Variants in EIF4G3 observed in about 807,000 individuals in gnomAD.
EIF4G3 encodes the protein eIF-4-gamma 3.
A neutral mutation model predicts 186.4 loss-of-function variants in EIF4G3; 34 were observed. That is an observed-to-expected ratio of 0.18 (90% confidence interval 0.14 to 0.24). The LOEUF (loss-of-function observed/expected upper bound fraction) is 0.24. EIF4G3 is among the 10% of genes least tolerant of loss of function. The pLI is 1.00. For synonymous variants in EIF4G3, 673 were observed against 679.5 expected, an observed-to-expected ratio of 0.99 and a Z score of 0.15; for missense variants, 1,536 against 1,948.5, an observed-to-expected ratio of 0.79 and a Z score of 3.99.
intron 2 of EIF4G3, among the ~76,000 whole-genome samples, chr1:21,109,790 A>T (rs1055547505): frequency 6.6e-6 from 1 of 151,892 alleles, no homozygotes; most frequent in Non-Finnish European, 1.5e-5. Flanking sequence ...ACTGTAACAA[A>T]TTTTTTATTT....
At chr1:21,113,919 A>C (rs1421358603) in intron 2 of EIF4G3, among the ~76,000 whole-genome samples, 1 of 152,152 alleles carries the variant, frequency 6.6e-6, no homozygotes, top group Non-Finnish European at 1.5e-5. Context: ...GGGAGGTTGA[A>C]GTGGCAAGAA....
chr1:21,015,828 G>C (rs1226118618), intron 4 of EIF4G3, among the ~76,000 whole-genome samples: 1 of 147,944 alleles, frequency 6.8e-6, no homozygotes, highest in African/African-American at 2.5e-5. Flanking sequence ...AATGAGGGAA[G>C]AATTAAGACA....
intron 3 of EIF4G3, among the ~76,000 whole-genome samples, chr1:21,083,852 G>A (rs2095871011): frequency 6.6e-6 from 1 of 151,992 alleles, no homozygotes. Context: ...TTATAACTCA[G>A]GTTTTTTCAA....
Position 20,958,550 on chromosome 1 carries a change from G to T in EIF4G3, c.715-8439C>A, listed in dbSNP as rs1488407233. Among the ~76,000 whole-genome samples the T allele has an allele frequency of 2.0e-5, 3 of 152,058 alleles. No homozygotes were observed. The East Asian group carries it at 5.8e-4, about 29-fold the overall frequency. ...CATAGTTTTGGAAGTCCTAGCTAGA[G>T]CAATTAGGTAAGAGAAAGAAATAAA... On this transcript the variant is annotated intron_variant, in intron 12 of 36. Transcript: ENST00000602326.
At chr1:21,158,851 G>A (rs543599840) in intron 2 of EIF4G3, among the ~76,000 whole-genome samples, 1 of 151,854 alleles carries the variant, frequency 6.6e-6, no homozygotes, top group African/African-American at 2.4e-5. Context: ...TGCTGTTAAC[G>A]AAACTCAAAA....
At chr1:21,112,934 CAA>C (rs2096751468) in intron 2 of EIF4G3, among the ~76,000 whole-genome samples, 1 of 151,944 alleles carries the variant, frequency 6.6e-6, no homozygotes, top group Non-Finnish European at 1.5e-5. Flanking sequence ...TGCCATTTCT[CAA>C]AGATAGCCAA....
At chr1:20,848,673 G>T (rs377582807) in intron 29 of EIF4G3, among the ~76,000 whole-genome samples, 3 of 152,264 alleles carry the variant, frequency 2.0e-5, no homozygotes, top group African/African-American at 7.2e-5. Context: ...GTTTCTTTAT[G>T]CCTCAGTTTT....
chr1:21,038,088 ACT>A (rs2093340632), intron 4 of EIF4G3, among the ~76,000 whole-genome samples: 1 of 152,058 alleles, frequency 6.6e-6, no homozygotes, highest in South Asian at 2.1e-4. Flanking sequence ...CCATTTTTGT[ACT>A]CTTTATAATT....
At chr1:21,083,537 T>A (rs922191977) in intron 3 of EIF4G3, among the ~76,000 whole-genome samples, 5 of 151,630 alleles carry the variant, frequency 3.3e-5, no homozygotes, top group Non-Finnish European at 7.4e-5. Flanking sequence ...TTGCCCAGAC[T>A]GGTTTCAAAC....
chr1:20,972,590 G>A (rs77936651), intron 11 of EIF4G3, among the ~76,000 whole-genome samples: 10,509 of 151,840 alleles, frequency 0.069, 630 homozygotes, highest in East Asian at 0.26. Context: ...AGCTGAGATC[G>A]CGCCACTGCA....
intron 12 of EIF4G3, among the ~76,000 whole-genome samples, chr1:20,955,746 G>A (rs1056312343): frequency 3.3e-5 from 5 of 152,140 alleles, no homozygotes; most frequent in African/African-American, 1.2e-4. Flanking sequence ...ATGGTAGAGA[G>A]GGTATCTATG....
rs547400091 is a variant in EIF4G3, at chr1:20,875,712, G to A, written c.2622+3611C>T. Among the ~76,000 whole-genome samples, 5 of 152,208 alleles carry A rather than the reference G, an allele frequency of 3.3e-5. No individual in the cohort carries two copies. The South Asian group carries it at 8.3e-4, about 25-fold the overall frequency. The stretch of plus-strand genomic sequence containing the variant: ...AGATTGCTTGAGCCCAGGAGTTTAC[G>A]ACCAGTCTGGGCAACATATTGAGAT... On this transcript the variant is annotated intron_variant, in intron 20 of 36. Transcript: ENST00000602326.
chr1:21,096,250 T>C (rs1341387137), intron 2 of EIF4G3, among the ~76,000 whole-genome samples: 1 of 152,190 alleles, frequency 6.6e-6, no homozygotes, highest in African/African-American at 2.4e-5. Flanking sequence ...GCAACATAGA[T>C]GGAACTGGAA....
intron 12 of EIF4G3, among the ~76,000 whole-genome samples, chr1:20,967,996 T>C (rs1276872513): frequency 6.6e-6 from 1 of 152,198 alleles, no homozygotes; most frequent in African/African-American, 2.4e-5. Context: ...TCTTGCTATG[T>C]TGCCCAAGCT....
intron 30 of EIF4G3, among the ~76,000 whole-genome samples, chr1:20,831,633 G>C (rs1345116318): frequency 7.4e-6 from 1 of 135,482 alleles, no homozygotes; most frequent in African/African-American, 2.8e-5. Flanking sequence ...TATACTTTAA[G>C]TTTTAGGGTA....
intron 2 of EIF4G3, among the ~76,000 whole-genome samples, chr1:21,090,201 ACT>A (rs2096139530): frequency 6.6e-6 from 1 of 152,202 alleles, no homozygotes; most frequent in Admixed American, 6.5e-5. Context: ...CTGAATTAAG[ACT>A]CTAAGTAGAA....
chr1:21,049,381 TG>T (rs1298882787), intron 4 of EIF4G3, among the ~76,000 whole-genome samples: 1 of 152,200 alleles, frequency 6.6e-6, no homozygotes, highest in Admixed American at 6.5e-5. Flanking sequence ...TTTTCTCTCC[TG>T]ATTAGACTCA....
chr1:20,913,341 C>A (rs747907511), intron 14 of EIF4G3, among the ~76,000 whole-genome samples: 12 of 152,048 alleles, frequency 7.9e-5, no homozygotes, highest in Non-Finnish European at 1.8e-4. Flanking sequence ...CCAAGACTAG[C>A]CTGAGCAACA....
At chr1:20,865,468 T>A (rs1393403159) in intron 20 of EIF4G3, among the ~76,000 whole-genome samples, 2 of 152,098 alleles carry the variant, frequency 1.3e-5, no homozygotes, top group Admixed American at 1.3e-4. Flanking sequence ...TCCTCTCATA[T>A]AAATGTACTC....
Sources: gnomAD v4.1 joint callset for allele counts (sites outside exome capture counted in the v4.1 genomes callset) on GRCh38, gnomAD v4.1.1 for gene constraint, MANE v1.5 for transcripts, NCBI Gene and HGNC (gene_info 2026-07-23, HGNC 2026-07-21) for gene names.